Variants in DCT observed in about 807,000 individuals in gnomAD.
The protein encoded by DCT is L-dopachrome tautomerase.
Under a neutral mutation model 53.0 loss-of-function variants are expected in DCT, and 47 were observed. The ratio of observed to expected loss-of-function variants is 0.89; its 90% CI spans 0.70 to 1.13. The LOEUF is 1.13. Among genes scored for constraint, DCT ranks in the 50% most tolerant of loss-of-function variants. The pLI is 0.00. For synonymous variants in DCT, 244 were observed against 237.0 expected (o/e 1.03, Z -0.27); for missense variants, 669 against 637.4 (o/e 1.05, Z -0.53).
intron 2 of DCT, 112 bp from the exon 3 acceptor site, chr13:94,466,770 T>A: frequency 1.8e-6 from 1 of 542,304 alleles, no homozygotes; most frequent in Non-Finnish European, 3.1e-6. Flanking sequence ...TTTATAGTAG[T>A]AAGAAAAAAA....
At chr13:94,451,732 GGTT>G in intron 6 of DCT, among the ~76,000 whole-genome samples, 1 of 152,170 alleles carries the variant, frequency 6.6e-6, no homozygotes, top group East Asian at 1.9e-4. Flanking sequence ...CTGTTCTAGA[GGTT>G]GAGTATGTTT....
chr13:94,516,043 AC>A, the DCT span, among the ~76,000 whole-genome samples: 1 of 36,274 alleles, frequency 2.8e-5, no homozygotes, highest in African/African-American at 1.0e-4. Context: ...CCCCGCCCCC[AC>A]CCCCACCCAC....
At chr13:94,511,621 A>G in the DCT span, among the ~76,000 whole-genome samples, 1 of 151,878 alleles carries the variant, frequency 6.6e-6, no homozygotes, top group Non-Finnish European at 1.5e-5. Context: ...TGCCCTCCCA[A>G]AGTGCTAGGA....
Position 94,439,870 on chromosome 13 carries a change from C to T in DCT, c.*28G>A. Reference sequence around the variant, plus strand: ...GCGTCAGAACTGTGGCTTGGCCAGCCTCTTCTCTTAGGTAAGGCATGAGCA... The same window carrying T: ...GCGTCAGAACTGTGGCTTGGCCAGCTTCTTCTCTTAGGTAAGGCATGAGCA... On this transcript the variant is annotated 3_prime_UTR_variant, in exon 8 of 8. Coordinates refer to ENST00000377028, the MANE Select transcript of DCT (RefSeq NM_001922.5). 1 of 1,583,250 alleles carries T rather than the reference C, an allele frequency of 6.3e-7. No homozygotes were observed. The highest frequency in any genetic ancestry group is 8.6e-7 in the Non-Finnish European group (1 of 1,163,618).
intron 1 of DCT, among the ~76,000 whole-genome samples, chr13:94,473,792 T>C (rs1884905030): frequency 1.3e-5 from 2 of 152,310 alleles, no homozygotes; most frequent in South Asian, 4.1e-4. Flanking sequence ...AAAGAAAGCT[T>C]GTGTCTGTTT....
At chr13:94,516,831 C>T in the DCT span, among the ~76,000 whole-genome samples, 1 of 151,932 alleles carries the variant, frequency 6.6e-6, no homozygotes, top group Non-Finnish European at 1.5e-5. Context: ...TTCTCAGCCC[C>T]CATAACTGTA....
chr13:94,474,791 T>C (rs111471461), intron 1 of DCT, among the ~76,000 whole-genome samples: 1 of 152,204 alleles, frequency 6.6e-6, no homozygotes, highest in African/African-American at 2.4e-5. Context: ...AATTTCACCA[T>C]AGAATTTAGA....
the DCT span, among the ~76,000 whole-genome samples, chr13:94,498,118 G>A: frequency 6.6e-6 from 1 of 152,184 alleles, no homozygotes; most frequent in Non-Finnish European, 1.5e-5. Context: ...AACAATCTTG[G>A]ATGAGTGAAA....
At chr13:94,510,356 C>T in the DCT span, among the ~76,000 whole-genome samples, 1 of 152,156 alleles carries the variant, frequency 6.6e-6, no homozygotes, top group South Asian at 2.1e-4. Flanking sequence ...AGAGTTAATG[C>T]CCTGCACCTG....
At chr13:94,466,022 A>G (rs1329085869) in intron 3 of DCT, among the ~76,000 whole-genome samples, 1 of 102,996 alleles carries the variant, frequency 9.7e-6, no homozygotes, top group East Asian at 3.5e-4. Context: ...ATATATATAT[A>G]TACTGTGTAC....
At chr13:94,490,496 C>G in the DCT span, among the ~76,000 whole-genome samples, 1 of 49,160 alleles carries the variant, frequency 2.0e-5, no homozygotes, top group African/African-American at 8.5e-5. Flanking sequence ...CAGAGCAAGA[C>G]TCGGTCTCAA....
chr13:94,499,527 A>G, the DCT span, among the ~76,000 whole-genome samples: 1 of 152,074 alleles, frequency 6.6e-6, no homozygotes. Context: ...TGGCAGTATA[A>G]AAGAATAATT....
At chr13:94,489,817 C>T in the DCT span, among the ~76,000 whole-genome samples, 2 of 151,972 alleles carry the variant, frequency 1.3e-5, no homozygotes, top group Non-Finnish European at 2.9e-5. Flanking sequence ...ATTATAAGTA[C>T]TTCTAATAAT....
intron 6 of DCT, among the ~76,000 whole-genome samples, chr13:94,456,289 T>C (rs1344300550): frequency 2.0e-5 from 3 of 152,224 alleles, no homozygotes; most frequent in Admixed American, 2.0e-4. Flanking sequence ...GAAGCTCACC[T>C]GACTATGCTT....
Position 94,479,140 on chromosome 13 carries a change from T to C in DCT, c.116A>G (p.Glu39Gly), listed in dbSNP as rs1885305959. The change falls in exon 1 of 8, where the codon GAG becomes GGG. Residue 39 changes from glutamate (E) to glycine (G), a missense_variant. Glu to Gly is a moderately conservative substitution (Grantham distance 98). Coordinates refer to ENST00000377028, the MANE Select transcript of DCT (RefSeq NM_001922.5). The part of the protein sequence containing the change: ...CMTVDSLVNK[E>G]CCPRLGAESA... Reference sequence around the variant, plus strand: ...CTCTGCACCCAGGCGTGGGCAGCACTCCTTGTTCACTAGGCTGTCCACCGT... The same window carrying C: ...CTCTGCACCCAGGCGTGGGCAGCACCCCTTGTTCACTAGGCTGTCCACCGT... 1 of 1,614,134 alleles carries C rather than the reference T, an allele frequency of 6.2e-7. No homozygotes were observed. Among genetic ancestry groups the C allele is most frequent in the Admixed American group, 1.7e-5 (1 of 60,022 alleles).
chr13:94,478,845 G>A, intron 1 of DCT, 116 bp downstream of exon 1: 1 of 1,018,348 alleles, frequency 9.8e-7, no homozygotes, highest in East Asian at 2.5e-5. Context: ...AACCATCATT[G>A]GTTTGCCTTT....
chr13:94,516,103 A>T, the DCT span, among the ~76,000 whole-genome samples: 1 of 135,676 alleles, frequency 7.4e-6, no homozygotes, highest in Non-Finnish European at 1.5e-5. Flanking sequence ...AGCCAGACTC[A>T]GCTGATCCCA....
At chr13:94,547,984 A>AAATATATATATATATATAT in the DCT span, among the ~76,000 whole-genome samples, 1 of 65,844 alleles carries the variant, frequency 1.5e-5, no homozygotes, top group African/African-American at 1.3e-4. Flanking sequence ...AAAAAAAAAA[A>AAATATATATATATATATAT]ATATATATAT....
At chr13:94,454,547 A>T (rs1883290578) in intron 6 of DCT, among the ~76,000 whole-genome samples, 1 of 152,130 alleles carries the variant, frequency 6.6e-6, no homozygotes, top group Non-Finnish European at 1.5e-5. Context: ...TTACCTTAGG[A>T]ATTACTAGAG....
Sources: gnomAD v4.1 joint callset for allele counts (sites outside exome capture counted in the v4.1 genomes callset) on GRCh38, gnomAD v4.1.1 for gene constraint, MANE v1.5 for transcripts, NCBI Gene and HGNC (gene_info 2026-07-23, HGNC 2026-07-21) for gene names.